Variants in OSBP2 observed in about 807,000 individuals in gnomAD.
The protein encoded by OSBP2 is oxysterol binding protein 2.
Under a neutral mutation model 96.0 loss-of-function variants are expected in OSBP2, and 66 were observed. The ratio of observed to expected loss-of-function variants is 0.69; its 90% CI spans 0.56 to 0.84. The LOEUF (loss-of-function observed/expected upper bound fraction) is 0.84. Ranked by LOEUF, OSBP2 falls within the 40% of genes least tolerant of loss-of-function variation. The pLI is 0.00. For synonymous variants in OSBP2, 525 were observed against 520.9 expected (o/e 1.01, Z -0.11); for missense variants, 1,038 against 1,222.7 (o/e 0.85, Z 2.25).
chr22:30,806,909 T>A (rs1005385340), intron 2 of OSBP2, among the ~76,000 whole-genome samples: 3 of 152,238 alleles, frequency 2.0e-5, no homozygotes, highest in South Asian at 2.1e-4. Flanking sequence ...TCAGTTGAGT[T>A]TTTGCTTCCC....
At chr22:30,785,491 C>A (rs930905373) in intron 2 of OSBP2, among the ~76,000 whole-genome samples, 2 of 149,610 alleles carry the variant, frequency 1.3e-5, no homozygotes, top group African/African-American at 2.5e-5. Flanking sequence ...CACTTGAATC[C>A]AGGAGGTGGA....
At chr22:30,859,623 C>G (rs2039165566) in intron 2 of OSBP2, among the ~76,000 whole-genome samples, 1 of 152,238 alleles carries the variant, frequency 6.6e-6, no homozygotes, top group Admixed American at 6.5e-5. Flanking sequence ...AAGGGCCTTC[C>G]TCCACAGCCC....
intron 12 of OSBP2, among the ~76,000 whole-genome samples, chr22:30,899,232 T>A (rs570801215): frequency 6.6e-6 from 1 of 151,926 alleles, no homozygotes; most frequent in African/African-American, 2.4e-5. Context: ...AAAATTTTTT[T>A]AATTAGCCAT....
chr22:30,860,343 C>T (rs965016886), intron 2 of OSBP2, among the ~76,000 whole-genome samples: 13 of 151,988 alleles, frequency 8.6e-5, no homozygotes, highest in African/African-American at 2.9e-4. Context: ...TAGAAACCAG[C>T]CAACTTGGGA....
In OSBP2 at chr22:30,887,705, C is replaced by T; in HGVS notation, c.1300+87C>T. The T allele has an allele frequency of 5.1e-6, 6 of 1,184,090 alleles. No individual in the cohort carries two copies. The South Asian group carries it at 5.9e-5, about 12-fold the overall frequency. 73.3% of individuals were successfully genotyped at this position (1,184,090 alleles called of 1,614,324 possible). On this transcript the variant is annotated intron_variant, in intron 4 of 13. Transcript: ENST00000332585. ...AACTTCTGCGCCCCCACATGCACAT[C>T]CCTGGCTGTGCCCACATGTGGGCTG...
At chr22:30,807,228 G>A (rs1176515083) in intron 2 of OSBP2, among the ~76,000 whole-genome samples, 4 of 151,982 alleles carry the variant, frequency 2.6e-5, no homozygotes, top group Admixed American at 2.6e-4. Context: ...TCCAGCCCCT[G>A]CCCCCGCGAG....
At chr22:30,857,384 C>T (rs557668942) in intron 2 of OSBP2, among the ~76,000 whole-genome samples, 2 of 152,252 alleles carry the variant, frequency 1.3e-5, no homozygotes, top group South Asian at 2.1e-4. Flanking sequence ...GTTACACAGC[C>T]GACTGGTGGA....
intron 3 of OSBP2, among the ~76,000 whole-genome samples, chr22:30,879,527 GC>G (rs1446184036): frequency 3.3e-5 from 5 of 152,048 alleles, no homozygotes; most frequent in African/African-American, 1.2e-4. Flanking sequence ...CCTGGGCCAA[GC>G]GCTCCTGTGA....
chr22:30,811,818 G>C (rs1353001451), intron 2 of OSBP2, among the ~76,000 whole-genome samples: 1 of 150,712 alleles, frequency 6.6e-6, no homozygotes, highest in African/African-American at 2.4e-5. Flanking sequence ...GCCTCCCAAA[G>C]TGCTGGGATT....
chr22:30,898,120 C>T (rs986759460), intron 12 of OSBP2, among the ~76,000 whole-genome samples: 3 of 152,034 alleles, frequency 2.0e-5, no homozygotes, highest in Non-Finnish European at 2.9e-5. Context: ...AGAAAATATA[C>T]TTTAAAAATA....
At chr22:30,898,721 A>AT (rs1449736231) in intron 12 of OSBP2, among the ~76,000 whole-genome samples, 7 of 151,974 alleles carry the variant, frequency 4.6e-5, no homozygotes, top group Admixed American at 1.3e-4. Context: ...ACATGTGGGG[A>AT]TTACAATTTG....
intron 2 of OSBP2, among the ~76,000 whole-genome samples, chr22:30,830,747 C>T (rs1162174567): frequency 6.6e-6 from 1 of 152,222 alleles, no homozygotes; most frequent in Non-Finnish European, 1.5e-5. Flanking sequence ...GGGTTATTTA[C>T]TGTTTAGACA....
In OSBP2 at chr22:30,893,936, C is replaced by T. The variant is rs34929946; in HGVS notation, c.2310C>T (p.Asp770=). ...MHSSPSSPSS[D]GKQKTVYQTL... ...GCAGTCCCAGCAGCCCCAGCTCTGA[C>T]GGGAAGCAGAAGACAGTGTACCAGA... The change falls in exon 12 of 14, where the codon GAC becomes GAT. Residue 770 remains aspartate, a synonymous_variant. Transcript: ENST00000332585. 15,155 of 1,598,242 alleles carry T rather than the reference C, an allele frequency of 9.5e-3. 1,236 individuals carry two copies. The African/African-American group carries it at 0.18, about 19-fold the overall frequency.
At chr22:30,744,883 T>C (rs1037432912) in intron 2 of OSBP2, among the ~76,000 whole-genome samples, 2 of 152,194 alleles carry the variant, frequency 1.3e-5, no homozygotes, top group African/African-American at 2.4e-5. Context: ...TCTTTTCAAG[T>C]ACACATGGAA....
chr22:30,790,513 G>C (rs961299466), intron 2 of OSBP2, among the ~76,000 whole-genome samples: 16 of 152,194 alleles, frequency 1.1e-4, no homozygotes, highest in African/African-American at 3.6e-4. Context: ...GAGAGATTGT[G>C]TGTGTGCGCA....
At chr22:30,733,657 C>G (rs889163870) in intron 1 of OSBP2, among the ~76,000 whole-genome samples, 4 of 152,212 alleles carry the variant, frequency 2.6e-5, no homozygotes, top group African/African-American at 9.6e-5. Context: ...AGTTGATGTA[C>G]AAGGTTTGGG....
At chr22:30,902,609 C>T (rs191740915) in intron 12 of OSBP2, 53 of 700,404 alleles carry the variant, frequency 7.6e-5, no homozygotes, top group Admixed American at 4.5e-4. Flanking sequence ...CTCCCTTCCA[C>T]GATCCAACAT....
intron 1 of OSBP2, among the ~76,000 whole-genome samples, chr22:30,701,747 T>G (rs528896201): frequency 2.8e-4 from 42 of 152,300 alleles, no homozygotes; most frequent in Admixed American, 7.8e-4. Context: ...TGTGCAGGGT[T>G]AGTCCTCACA....
rs911318906 is a variant in OSBP2 at position 30,695,571 on chromosome 22, T to C, written c.644+18T>C. The C allele has an allele frequency of 1.3e-6, 2 of 1,591,978 alleles. No individual in the cohort carries two copies. Among genetic ancestry groups the C allele is most frequent in the Non-Finnish European group, 1.7e-6 (2 of 1,173,860 alleles). ...TACTACAGGTATGGAAGCGCCAGGG[T>C]GGGACATGGGGGTTGGAGGGTGGTG... On this transcript the variant is annotated intron_variant, in intron 1 of 13. Transcript: ENST00000332585.
Sources: allele counts gnomAD v4.1 joint callset (sites outside exome capture counted in the v4.1 genomes callset), GRCh38; gene constraint gnomAD v4.1.1; transcripts MANE v1.5; gene names NCBI Gene and HGNC (gene_info 2026-07-23, HGNC 2026-07-21).